RFXANK: variants seen among roughly 807,000 people sequenced by gnomAD.
The protein encoded by RFXANK is DNA-binding protein RFXANK.
Under a neutral mutation model 34.5 loss-of-function variants are expected in RFXANK, and 19 were observed. The observed-to-expected ratio is 0.55, with a 90% CI of 0.38 to 0.81. The LOEUF (loss-of-function observed/expected upper bound fraction) is 0.81. Ranked by LOEUF, RFXANK falls within the 30% of genes least tolerant of loss-of-function variation. The pLI is 0.00. For synonymous variants in RFXANK, 154 were observed against 149.8 expected, an observed-to-expected ratio of 1.03 and a Z score of -0.20; for missense variants, 295 against 343.5, an observed-to-expected ratio of 0.86 and a Z score of 1.12.
intron 7 of RFXANK, 68 bp from the exon 8 acceptor site, chr19:19,198,589 G>A (rs891046593): frequency 8.3e-6 from 13 of 1,561,862 alleles, no homozygotes; most frequent in African/African-American, 4.1e-5. Context: ...GGAGGCCAGA[G>A]AGTACAAGGC....
chr19:19,192,262 G>T lies in RFXANK; in HGVS notation c.-442G>T. 1 of 1,113,364 alleles carries T rather than the reference G, an allele frequency of 9.0e-7. No individual in the cohort carries two copies. The highest frequency in any genetic ancestry group is 1.3e-6 in the Non-Finnish European group (1 of 774,894). The allele number at this position is 1,113,364 out of a possible 1,614,324, so 69.0% of individuals were successfully genotyped here. A position where few individuals can be genotyped will look rare whatever the true frequency, so the allele number is the denominator to read the frequency against. ...CCGCCCTCCCCGCTCCTCAGTCTTT[G>T]CGGACAAGAAAGGGGCTGTGTGAGA... On this transcript the variant is annotated 5_prime_UTR_variant, in exon 1 of 10. Coordinates refer to ENST00000303088, the MANE Select transcript of RFXANK (RefSeq NM_003721.4).
intron 9 of RFXANK, 76 bp downstream of exon 9, chr19:19,199,310 C>T: frequency 7.3e-7 from 1 of 1,362,468 alleles, no homozygotes; most frequent in South Asian, 1.2e-5. Context: ...ACATGGGACA[C>T]CCCTTCAGTG....
In RFXANK at chr19:19,198,002, A is replaced by C. The variant is rs1362934467; in HGVS notation, c.439-105A>C. 2.3e-4 allele frequency: 334 copies of C among 1,453,946 alleles called. 1 individual carries two copies. The highest frequency in any genetic ancestry group is 2.9e-4 in the Non-Finnish European group (308 of 1,056,536). The allele number at this position is 1,453,946 out of a possible 1,614,324, so 90.1% of individuals were successfully genotyped here. On this transcript the variant is annotated intron_variant, in intron 6 of 9. Coordinates refer to ENST00000303088, the MANE Select transcript of RFXANK (RefSeq NM_003721.4). ...ACTCCAGCCTGGGCAACAGAGCAAG[A>C]CTCTATCTCCAAAAAAAAAAAAAAA...
intron 9 of RFXANK, chr19:19,201,379 C>T: frequency 8.2e-7 from 1 of 1,217,176 alleles, no homozygotes; most frequent in African/African-American, 1.5e-5. Flanking sequence ...TGCCCAGGCT[C>T]ATCTTTTCAT....
At chr19:19,201,390 GAA>G in intron 9 of RFXANK, 1 of 1,310,322 alleles carries the variant, frequency 7.6e-7, no homozygotes, top group South Asian at 1.3e-5. Context: ...ATCTTTTCAT[GAA>G]AGTCACAATT....
In RFXANK at chr19:19,197,033, G is replaced by A. The variant is rs747424282; in HGVS notation, c.258G>A (p.Pro86=). Reference sequence around the variant, plus strand: ...GAGGGAACGAGGTGTCAGCTCTGCCGGCCACCCTAGACTGTGAGTGGGCCC... The same window carrying A: ...GAGGGAACGAGGTGTCAGCTCTGCCAGCCACCCTAGACTGTGAGTGGGCCC... ...RQRGNEVSAL[P]ATLDSLSIHQ... Residue 86 remains proline, a synonymous_variant, in exon 4 of 10, where the codon CCG becomes CCA. Transcript: ENST00000303088. 15 of 1,613,554 alleles carry A rather than the reference G, an allele frequency of 9.3e-6. No individual in the cohort carries two copies. The highest frequency in any genetic ancestry group is 6.7e-5 in the Admixed American group (4 of 60,012).
chr19:19,201,249 A>C (rs1360557302), intron 9 of RFXANK, among the ~76,000 whole-genome samples: 1 of 151,256 alleles, frequency 6.6e-6, no homozygotes, highest in Non-Finnish European at 1.5e-5. Context: ...CTAATTTTTA[A>C]ATTTTTTTGG....
chr19:19,197,751 G>C, intron 6 of RFXANK, 130 bp downstream of exon 6: 2 of 857,872 alleles, frequency 2.3e-6, no homozygotes, highest in East Asian at 5.3e-5. Context: ...GCTCATGCCT[G>C]TAATCCCAGC....
In RFXANK at chr19:19,201,772, C is replaced by G; in HGVS notation, c.*53C>G. ...CAGGGAACAAAATGGTCAGCCAGAG[C>G]TGGGGAAACCCAGAACTGACTTCAA... On this transcript the variant is annotated 3_prime_UTR_variant, in exon 10 of 10. Coordinates refer to ENST00000303088, the MANE Select transcript of RFXANK (RefSeq NM_003721.4). 1.9e-6 allele frequency: 3 copies of G among 1,613,522 alleles called. No homozygotes were observed. The highest frequency in any genetic ancestry group is 1.7e-5 in the Admixed American group (1 of 60,020).
Position 19,192,374 on chromosome 19 carries a change from G to GCT in RFXANK, c.-330_-329insCT. 1.7e-6 allele frequency: 1 copy of GCT among 583,586 alleles called. No individual in the cohort carries two copies. Among genetic ancestry groups the GCT allele is most frequent in the South Asian group, 2.0e-5 (1 of 48,932 alleles). 36.2% of individuals were successfully genotyped at this position (583,586 alleles called of 1,614,324 possible). A position where few individuals can be genotyped will look rare whatever the true frequency, so the allele number is the denominator to read the frequency against. ...CTGGTGGAGCGACACCCAGGCAGGA[G>GCT]AGGGGGAAGAACTCTCTCCCTTTCT... On this transcript the variant is annotated 5_prime_UTR_variant, in exon 1 of 10. Transcript: ENST00000303088.
chr19:19,199,712 T>C (rs538795351), intron 9 of RFXANK, among the ~76,000 whole-genome samples: 1 of 151,770 alleles, frequency 6.6e-6, no homozygotes, highest in South Asian at 2.1e-4. Context: ...CACCAAGGGG[T>C]AGGCGACCAG....
Position 19,198,251 on chromosome 19 carries a change from C to T in RFXANK, c.564+19C>T, listed in dbSNP as rs777559481. 72 of 1,613,930 alleles carry T rather than the reference C, an allele frequency of 4.5e-5. No homozygotes were observed. Among genetic ancestry groups the T allele is most frequent in the Non-Finnish European group, 6.0e-5 (71 of 1,179,986 alleles). ...TGATTGGGTGAGGGACTGCCCATCC[C>T]CAGGACCTCTCAGCCTCCTGGCCTT... is the stretch of plus-strand genomic sequence containing the variant. On this transcript the variant is annotated intron_variant, in intron 7 of 9. Coordinates refer to ENST00000303088, the MANE Select transcript of RFXANK (RefSeq NM_003721.4).
chr19:19,192,671 G>A (rs1205009634), intron 1 of RFXANK, 117 bp downstream of exon 1: 1 of 154,326 alleles, frequency 6.5e-6, no homozygotes, highest in Non-Finnish European at 1.5e-5. Flanking sequence ...GGAAAAATCT[G>A]TGGGCAGGGT....
chr19:19,197,702 G>C, intron 6 of RFXANK, 81 bp downstream of exon 6: 2 of 1,308,212 alleles, frequency 1.5e-6, no homozygotes, highest in South Asian at 2.4e-5. Context: ...GTCTGCTGGC[G>C]CCTTGTCTTT....
At chr19:19,199,837 C>T (rs2060671195) in intron 9 of RFXANK, among the ~76,000 whole-genome samples, 1 of 152,156 alleles carries the variant, frequency 6.6e-6, no homozygotes, top group African/African-American at 2.4e-5. Context: ...AATGGGACCC[C>T]AACTTCCCCA....
rs369824410 is a variant in RFXANK, at chr19:19,197,078, G to T, written c.271+32G>T. 1,013 of 1,612,860 alleles carry T rather than the reference G, an allele frequency of 6.3e-4. 1 individual carries two copies. The highest frequency in any genetic ancestry group is 7.9e-4 in the Non-Finnish European group (930 of 1,179,370). ...GGGCCCACGGTCCCCAACAAGGAGAGGAGTAGGAGGGTGGGAGGGCCTGTG... is the reference window on the plus strand; with the variant it reads ...GGGCCCACGGTCCCCAACAAGGAGATGAGTAGGAGGGTGGGAGGGCCTGTG... On this transcript the variant is annotated intron_variant, in intron 4 of 9. Coordinates refer to ENST00000303088, the MANE Select transcript of RFXANK (RefSeq NM_003721.4).
intron 9 of RFXANK, 161 bp from the exon 10 acceptor site, chr19:19,201,487 AG>A (rs1349877447): frequency 6.3e-7 from 1 of 1,589,882 alleles, no homozygotes. Context: ...GGGGAAGTTG[AG>A]GTTCCTGGGG....
At position 19,198,801 on chromosome 19, in the gene RFXANK, G is replaced by A. The variant is rs181548341; in HGVS notation, c.631+78G>A. ...GCGGGAATCCTGAGGGCAGGGAGAC[G>A]CCCAAGTGTTGCTTGAAGAGTTCTT... On this transcript the variant is annotated intron_variant, in intron 8 of 9. Transcript: ENST00000303088. The A allele has an allele frequency of 1.4e-5, 20 of 1,412,696 alleles. 1 individual carries two copies. The Admixed American group carries it at 1.8e-4, about 13-fold the overall frequency. 87.5% of individuals were successfully genotyped at this position (1,412,696 alleles called of 1,614,324 possible). A position where few individuals can be genotyped will look rare whatever the true frequency, so the allele number is the denominator to read the frequency against.
intron 9 of RFXANK, among the ~76,000 whole-genome samples, chr19:19,201,045 C>A (rs1001368041): frequency 6.6e-6 from 1 of 151,836 alleles, no homozygotes; most frequent in African/African-American, 2.4e-5. Flanking sequence ...GTGATCCACC[C>A]GCCTCAGCTT....
Sources: allele counts gnomAD v4.1 joint callset (sites outside exome capture counted in the v4.1 genomes callset), GRCh38; gene constraint gnomAD v4.1.1; transcripts MANE v1.5; gene names NCBI Gene and HGNC (gene_info 2026-07-23, HGNC 2026-07-21).